BRCC3: variants seen among roughly 807,000 people sequenced by gnomAD.
BRCC3 encodes the protein lys-63-specific deubiquitinase BRCC36.
In BRCC3, 15 loss-of-function variants were observed where a neutral mutation model predicts 28.0. The observed-to-expected ratio is 0.54, with a 90% CI of 0.36 to 0.82. BRCC3 has a LOEUF of 0.82. Ranked by LOEUF, BRCC3 falls within the 40% of genes least tolerant of loss-of-function variation. The pLI is 0.01. For synonymous variants in BRCC3, 66 were observed against 80.3 expected (o/e 0.82, Z 0.95); for missense variants, 109 against 225.9 (o/e 0.48, Z 3.32).
chrX:155,098,715 CAT>C (rs1265181392), intron 7 of BRCC3, among the ~76,000 whole-genome samples: 2 of 112,545 alleles, frequency 1.8e-5, no homozygotes, highest in African/African-American at 3.2e-5. Flanking sequence ...TGACTTAAAA[CAT>C]AGTCAATTTT....
chrX:155,120,745 G>A (rs782428482), intron 10 of BRCC3, among the ~76,000 whole-genome samples: 10 of 111,407 alleles, frequency 9.0e-5, no homozygotes, highest in African/African-American at 3.3e-4. Flanking sequence ...TGACTCTGAA[G>A]TAAACTCCTA....
At chrX:155,087,009 G>A (rs2074135738) in intron 5 of BRCC3, among the ~76,000 whole-genome samples, 1 of 111,976 alleles carries the variant, frequency 8.9e-6, no homozygotes, top group South Asian at 3.7e-4. Context: ...CGTTGTGTTT[G>A]GACGGAAGCA....
chrX:155,090,945 A>C, intron 7 of BRCC3, 106 bp downstream of exon 7: 1 of 589,456 alleles, frequency 1.7e-6, no homozygotes, highest in Non-Finnish European at 2.8e-6. Flanking sequence ...ACACTAAGAC[A>C]CTGCATTTTT....
At chrX:155,097,527 C>T (rs1569560530) in intron 7 of BRCC3, among the ~76,000 whole-genome samples, 1 of 111,646 alleles carries the variant, frequency 9.0e-6, no homozygotes. Context: ...ATAGAACTGT[C>T]ATATGATTCA....
chrX:155,104,937 A>G (rs947539834), intron 7 of BRCC3, among the ~76,000 whole-genome samples: 1 of 112,298 alleles, frequency 8.9e-6, no homozygotes, highest in Admixed American at 9.4e-5. Flanking sequence ...GGTTCAGTCT[A>G]TTTTCCCCCT....
At chrX:155,112,469 C>T (rs1056167790) in intron 7 of BRCC3, among the ~76,000 whole-genome samples, 7 of 112,756 alleles carry the variant, frequency 6.2e-5, no homozygotes, top group Non-Finnish European at 1.1e-4. Context: ...AATTTTTCAT[C>T]TAACATTTTT....
In BRCC3 at chrX:155,084,513, C is replaced by G. The variant is rs911930330; in HGVS notation, c.404-4750C>G. The stretch of plus-strand genomic sequence containing the variant: ...GAGTAGCTGGGACTACAGGCATCCG[C>G]CACCACACCCGGCTAATTTTTTTGC... On this transcript the variant is annotated intron_variant, in intron 5 of 10. Coordinates refer to ENST00000330045, the MANE Select transcript of BRCC3 (RefSeq NM_001018055.3). 6.3e-5 allele frequency among the ~76,000 whole-genome samples: 7 copies of G among 111,795 alleles called. No homozygotes were observed. In the Admixed American group the frequency reaches 6.6e-4, roughly 11 times the overall value.
chrX:155,075,270 AT>A (rs2074023645), intron 3 of BRCC3, among the ~76,000 whole-genome samples: 4 of 51,416 alleles, frequency 7.8e-5, no homozygotes, highest in Non-Finnish European at 1.2e-4. Flanking sequence ...TCAACATCTG[AT>A]AATGCTAAGC....
At chrX:155,096,955 T>C (rs1602786571) in intron 7 of BRCC3, among the ~76,000 whole-genome samples, 1 of 112,090 alleles carries the variant, frequency 8.9e-6, no homozygotes, top group Non-Finnish European at 1.9e-5. Context: ...GATACCCACA[T>C]GCGAAAGAAT....
chrX:155,102,579 T>G (rs2074252961), intron 7 of BRCC3, among the ~76,000 whole-genome samples: 1 of 111,848 alleles, frequency 8.9e-6, no homozygotes, highest in South Asian at 3.7e-4. Flanking sequence ...ATTTATTTAT[T>G]TTTTTGCCTT....
At chrX:155,078,996 G>T in intron 5 of BRCC3, 2 of 211,808 alleles carry the variant, frequency 9.4e-6, no homozygotes, top group Non-Finnish European at 1.7e-5. Flanking sequence ...AGATATTAAA[G>T]GGTAAAATTT....
intron 7 of BRCC3, among the ~76,000 whole-genome samples, chrX:155,092,272 C>A (rs782710590): frequency 9.0e-6 from 1 of 111,711 alleles, no homozygotes; most frequent in African/African-American, 3.3e-5. Context: ...GGTTACTTTT[C>A]TAATCTTAAA....
At chrX:155,112,047 A>G (rs1391251901) in intron 7 of BRCC3, among the ~76,000 whole-genome samples, 1 of 111,894 alleles carries the variant, frequency 8.9e-6, no homozygotes, top group Non-Finnish European at 1.9e-5. Context: ...ATAACAATAT[A>G]TTGTTCACAA....
At chrX:155,081,553 A>T (rs781952540) in intron 5 of BRCC3, among the ~76,000 whole-genome samples, 2 of 112,093 alleles carry the variant, frequency 1.8e-5, no homozygotes, top group Admixed American at 9.5e-5. Context: ...GTATTGCATT[A>T]CAAACCTCAG....
intron 7 of BRCC3, among the ~76,000 whole-genome samples, chrX:155,106,964 A>G (rs915740960): frequency 1.7e-4 from 19 of 112,309 alleles, no homozygotes; most frequent in African/African-American, 6.1e-4. Context: ...TTGTATTTCA[A>G]TAGTTATCTC....
chrX:155,075,327 GGCCACTCCCCT>G (rs2074029313), intron 3 of BRCC3, among the ~76,000 whole-genome samples: 1 of 52,747 alleles, frequency 1.9e-5, no homozygotes, highest in African/African-American at 4.4e-4. Context: ...CACTAAATGT[GGCCACTCCCCT>G]TGATTCAGGC....
intron 9 of BRCC3, 35 bp from the exon 10 acceptor site, chrX:155,119,964 C>T (rs2074379544): frequency 3.4e-6 from 4 of 1,168,250 alleles, no homozygotes; most frequent in Non-Finnish European, 4.6e-6. Context: ...GGTGCTTTTC[C>T]ACAATTATTC....
chrX:155,106,267 TG>T (rs781842522), intron 7 of BRCC3, among the ~76,000 whole-genome samples: 54 of 112,090 alleles, frequency 4.8e-4, no homozygotes, highest in African/African-American at 1.6e-3. Context: ...GCTTTGTTAA[TG>T]TTTTTTTTCT....
At chrX:155,087,239 G>A (rs782541523) in intron 5 of BRCC3, among the ~76,000 whole-genome samples, 10 of 111,862 alleles carry the variant, frequency 8.9e-5, no homozygotes, top group Non-Finnish European at 1.3e-4. Context: ...GATCCCACCC[G>A]GAGAAGCTTC....
Sources: allele counts gnomAD v4.1 joint callset (sites outside exome capture counted in the v4.1 genomes callset), GRCh38; gene constraint gnomAD v4.1.1; transcripts MANE v1.5; gene names NCBI Gene and HGNC (gene_info 2026-07-23, HGNC 2026-07-21).